The following SORT1 variants were observed in gnomAD, a reference collection of about 807,000 sequenced individuals.
SORT1 encodes sortilin 1.
A neutral mutation model predicts 101.7 loss-of-function variants in SORT1; 39 were observed. That is an observed-to-expected ratio of 0.38 (90% CI 0.30 to 0.50). The LOEUF (loss-of-function observed/expected upper bound fraction) is 0.50. Among genes scored for constraint, SORT1 ranks in the 20% least tolerant of loss-of-function variants. The pLI is 0.90. For synonymous variants in SORT1, 396 were observed against 393.7 expected (o/e 1.01, Z -0.07); for missense variants, 878 against 1,040.4 (o/e 0.84, Z 2.15).
intron 18 of SORT1, 114 bp downstream of exon 18, chr1:109,314,558 T>C: frequency 9.1e-7 from 1 of 1,093,202 alleles, no homozygotes; most frequent in Non-Finnish European, 1.3e-6. Context: ...GCCTGATTTT[T>C]CAGGAACAGT....
intron 11 of SORT1, among the ~76,000 whole-genome samples, chr1:109,335,368 G>C (rs1189067738): frequency 6.6e-6 from 1 of 152,160 alleles, no homozygotes; most frequent in African/African-American, 2.4e-5. Context: ...GGCTGGGCAG[G>C]GCCAAGGCAG....
intron 1 of SORT1, among the ~76,000 whole-genome samples, chr1:109,379,346 A>G (rs985720431): frequency 3.9e-5 from 6 of 152,202 alleles, no homozygotes; most frequent in South Asian, 2.1e-4. Flanking sequence ...ATGTTTTAAG[A>G]AAGTTTACGA....
intron 15 of SORT1, among the ~76,000 whole-genome samples, chr1:109,320,790 T>C (rs1387914752): frequency 6.6e-6 from 1 of 152,212 alleles, no homozygotes; most frequent in Non-Finnish European, 1.5e-5. Context: ...AATATATGGA[T>C]GCTGCTTGTA....
chr1:109,314,331 A>G lies in SORT1; in HGVS notation c.2411T>C (p.Val804Ala). Reference sequence around the variant, plus strand: ...TGTGTCCAAAGCATCCACACCATCCACACCATTGGCCTCTGCATGCTGCTG... The same window carrying G: ...TGTGTCCAAAGCATCCACACCATCCGCACCATTGGCCTCTGCATGCTGCTG... ...VLQQHAEANG[V>A]DGVDALDTAS... Residue 804 changes from valine (V) to alanine (A), a missense_variant, in exon 19 of 20, where the codon GTG (valine) becomes GCG (alanine). Val to Ala is a moderately conservative substitution (Grantham distance 64). This residue lies in a region of SORT1 where 684 missense variants were observed against 894.5 expected (regional missense o/e 0.76). Transcript: ENST00000256637. The G allele has an allele frequency of 1.2e-6, 2 of 1,613,882 alleles. No individual in the cohort carries two copies. Among genetic ancestry groups the G allele is most frequent in the Non-Finnish European group, 1.7e-6 (2 of 1,179,962 alleles).
rs1658817737 is a variant in SORT1 at position 109,313,087 on chromosome 1, A to G, written c.*956T>C. On this transcript the variant is annotated 3_prime_UTR_variant, in exon 20 of 20. Transcript: ENST00000256637. ...GCCACACGACAGTTAAGAAGGGAAC[A>G]TGGAAGACTGTGAGGTTCCGTCTTC... 1 of 152,236 alleles carries G rather than the reference A, an allele frequency of 6.6e-6. No homozygotes were observed. The highest frequency in any genetic ancestry group is 2.4e-5 in the African/African-American group (1 of 41,464). The allele number at this position is 152,236 out of a possible 1,614,324, so 9.4% of individuals were successfully genotyped here. A position where few individuals can be genotyped will look rare whatever the true frequency, so the allele number is the denominator to read the frequency against.
At chr1:109,392,450 C>A (rs1050428945) in intron 1 of SORT1, 2 of 215,432 alleles carry the variant, frequency 9.3e-6, no homozygotes, top group Non-Finnish European at 1.6e-5. Flanking sequence ...TGTTAATAAT[C>A]ACAAAAAGAA....
chr1:109,323,548 A>G (rs1362222417), intron 14 of SORT1, among the ~76,000 whole-genome samples: 1 of 152,250 alleles, frequency 6.6e-6, no homozygotes, highest in East Asian at 1.9e-4. Flanking sequence ...TAATTAGCCA[A>G]GAGCACAGGT....
Position 109,324,952 on chromosome 1 carries a change from G to T in SORT1, c.1781C>A (p.Thr594Asn). The stretch of plus-strand genomic sequence containing the variant: ...AATGGTGTAGGAGACCCACTGGCTG[G>T]TCAGGAAAGATTCTGTGAAGCCCCA... ...SIWGFTESFL[T>N]SQWVSYTIDF... Residue 594 changes from threonine (T) to asparagine (N), a missense_variant, in exon 14 of 20, where the codon ACC becomes AAC. Thr to Asn is a moderately conservative substitution (Grantham distance 65). Transcript: ENST00000256637. 2 of 1,613,704 alleles carry T rather than the reference G, an allele frequency of 1.2e-6. No homozygotes were observed. Among genetic ancestry groups the T allele is most frequent in the Non-Finnish European group, 8.5e-7 (1 of 1,179,652 alleles).
chr1:109,380,317 C>T (rs111867681), intron 1 of SORT1, among the ~76,000 whole-genome samples: 306 of 151,746 alleles, frequency 2.0e-3, no homozygotes, highest in African/African-American at 6.9e-3. Context: ...GAAGTATAAG[C>T]GAATATTTTT....
At chr1:109,324,763 A>C (rs981460957) in intron 14 of SORT1, 136 bp downstream of exon 14, 8 of 612,096 alleles carry the variant, frequency 1.3e-5, no homozygotes, top group Non-Finnish European at 2.3e-5. Flanking sequence ...TTAATCACCC[A>C]CACAGAACAT....
chr1:109,374,843 C>T (rs954461986), intron 1 of SORT1, among the ~76,000 whole-genome samples: 2 of 152,132 alleles, frequency 1.3e-5, no homozygotes, highest in African/African-American at 2.4e-5. Flanking sequence ...CCTGTAGTCC[C>T]AGCTACTCAG....
In SORT1 at chr1:109,324,873, T is replaced by C. The variant is rs539898359; in HGVS notation, c.1834+26A>G. 3.2e-4 allele frequency: 475 copies of C among 1,487,282 alleles called. 7 individuals are homozygous for C. The South Asian group carries it at 5.5e-3, about 17-fold the overall frequency. 92.1% of individuals were successfully genotyped at this position (1,487,282 alleles called of 1,614,324 possible). A position where few individuals can be genotyped will look rare whatever the true frequency, so the allele number is the denominator to read the frequency against. On this transcript the variant is annotated intron_variant, in intron 14 of 19. Coordinates refer to ENST00000256637, the MANE Select transcript of SORT1 (RefSeq NM_002959.7). ...GGAAAATGGACTTGGAAGTTTCTGG[T>C]AGAAAAGGTCAAAGGAGACACTCAC...
Position 109,347,523 on chromosome 1 carries a change from G to T in SORT1, c.792C>A (p.Asp264Glu). 1 of 1,610,186 alleles carries T rather than the reference G, an allele frequency of 6.2e-7. No individual in the cohort carries two copies. Among genetic ancestry groups the T allele is most frequent in the Non-Finnish European group, 8.5e-7 (1 of 1,176,462 alleles). ...CATAGGTTGTAAAGAAGATGGTGTT[G>T]TCTGATCCCCTACAATGAGGCAAAA... ...KAVCLAKWGS[D>E]NTIFFTTYAN... The change falls in exon 7 of 20, where the codon GAC (aspartate) becomes GAA (glutamate). Residue 264 changes from aspartate (D) to glutamate (E), a missense_variant. Transcript: ENST00000256637.
chr1:109,376,434 A>G (rs1651860870), intron 1 of SORT1, among the ~76,000 whole-genome samples: 2 of 152,204 alleles, frequency 1.3e-5, no homozygotes, highest in South Asian at 4.1e-4. Context: ...TCTACCAAAA[A>G]GACACATGCA....
At position 109,367,475 on chromosome 1, in the gene SORT1, G is replaced by T; in HGVS notation, c.373C>A (p.Leu125Ile). ...GGTACATGGAAGGTAGTCAAGACTAGAATGACCTGGAGAGAGAAAAAAGCA... is the reference window on the plus strand; with the variant it reads ...GGTACATGGAAGGTAGTCAAGACTATAATGACCTGGAGAGAGAAAAAAGCA... ...SWVGDSTGVILVLTTFHVPLV... is the reference protein window; with the variant it reads ...SWVGDSTGVIIVLTTFHVPLV... Residue 125 changes from leucine to isoleucine, a missense_variant, in exon 3 of 20, where the codon CTA (leucine) becomes ATA (isoleucine). Physicochemically the swap from Leu to Ile is conservative, Grantham distance 5 (BLOSUM62 2). Transcript: ENST00000256637. The T allele has an allele frequency of 6.3e-7, 1 of 1,593,098 alleles. No individual in the cohort carries two copies. The highest frequency in any genetic ancestry group is 8.6e-7 in the Non-Finnish European group (1 of 1,161,318).
chr1:109,345,271 T>C (rs1358574574), intron 8 of SORT1, among the ~76,000 whole-genome samples: 1 of 152,070 alleles, frequency 6.6e-6, no homozygotes, highest in Non-Finnish European at 1.5e-5. Context: ...TCCCAGCACT[T>C]TGGGAGGCTG....
intron 3 of SORT1, among the ~76,000 whole-genome samples, chr1:109,364,893 G>A (rs1424545214): frequency 1.3e-5 from 2 of 152,156 alleles, no homozygotes; most frequent in African/African-American, 4.8e-5. Context: ...CATTATTATT[G>A]TCCTTTTACA....
At chr1:109,392,607 C>T in intron 1 of SORT1, 2 of 985,228 alleles carry the variant, frequency 2.0e-6, no homozygotes, top group Non-Finnish European at 2.4e-6. Context: ...GTTAACACTG[C>T]ATTCCCTTGG....
At chr1:109,356,319 T>C (rs1324379985) in intron 3 of SORT1, among the ~76,000 whole-genome samples, 1 of 152,168 alleles carries the variant, frequency 6.6e-6, no homozygotes, top group Non-Finnish European at 1.5e-5. Flanking sequence ...TCAAGAGTAC[T>C]AAGGTTGAGA....
Sources: allele counts gnomAD v4.1 joint callset (sites outside exome capture counted in the v4.1 genomes callset), GRCh38; gene constraint gnomAD v4.1.1; regional missense constraint gnomAD v4.1.1; transcripts MANE v1.5; gene names NCBI Gene and HGNC (gene_info 2026-07-23, HGNC 2026-07-21).